AUTS2: variants seen among roughly 807,000 people sequenced by gnomAD.
The protein encoded by AUTS2 is autism susceptibility gene 2 protein.
A neutral mutation model predicts 112.4 loss-of-function variants in AUTS2; 17 were observed. The ratio of observed to expected loss-of-function variants is 0.15; its 90% CI spans 0.10 to 0.23. AUTS2 has a LOEUF of 0.23. Among genes scored for constraint, AUTS2 ranks in the 10% least tolerant of loss-of-function variants. AUTS2 has a pLI of 1.00. For synonymous variants in AUTS2, 751 were observed against 702.7 expected, an observed-to-expected ratio of 1.07 and a Z score of -1.09; for missense variants, 1,510 against 1,701.6, an observed-to-expected ratio of 0.89 and a Z score of 1.98.
intron 4 of AUTS2, among the ~76,000 whole-genome samples, chr7:70,216,643 C>A (rs1811178561): frequency 6.6e-6 from 1 of 152,184 alleles, no homozygotes; most frequent in Admixed American, 6.5e-5. Flanking sequence ...TATAAATACA[C>A]CAGCTTCCTT....
intron 4 of AUTS2, among the ~76,000 whole-genome samples, chr7:70,391,555 G>T (rs935857887): frequency 2.5e-4 from 38 of 152,088 alleles, no homozygotes; most frequent in African/African-American, 9.2e-4. Flanking sequence ...CACAATCACG[G>T]AGTATCTGTT....
chr7:70,006,427 C>T (rs979708659), intron 2 of AUTS2, among the ~76,000 whole-genome samples: 7 of 151,828 alleles, frequency 4.6e-5, no homozygotes, highest in South Asian at 2.1e-4. Context: ...AACAAAGCTA[C>T]GGAAATGTGA....
At chr7:70,549,744 C>T (rs1004423450) in intron 5 of AUTS2, among the ~76,000 whole-genome samples, 8 of 152,152 alleles carry the variant, frequency 5.3e-5, no homozygotes, top group African/African-American at 1.7e-4. Context: ...TCACAGTGCT[C>T]CTCTTAGTGG....
intron 6 of AUTS2, among the ~76,000 whole-genome samples, chr7:70,758,714 C>T (rs1227096983): frequency 6.6e-6 from 1 of 152,144 alleles, no homozygotes; most frequent in East Asian, 1.9e-4. Flanking sequence ...TTCATTCTTT[C>T]CTTTATCCTT....
intron 3 of AUTS2, among the ~76,000 whole-genome samples, chr7:70,124,635 T>G (rs1334721178): frequency 6.6e-6 from 1 of 152,100 alleles, no homozygotes; most frequent in East Asian, 1.9e-4. Flanking sequence ...TGATCTTGGC[T>G]CACTGCAACC....
intron 4 of AUTS2, among the ~76,000 whole-genome samples, chr7:70,385,739 T>C (rs921695549): frequency 1.3e-5 from 2 of 152,032 alleles, no homozygotes; most frequent in African/African-American, 4.8e-5. Flanking sequence ...AAATAGAAAA[T>C]AAAATAAAAT....
chr7:70,524,225 A>T (rs1225573774), intron 5 of AUTS2, among the ~76,000 whole-genome samples: 3 of 152,220 alleles, frequency 2.0e-5, no homozygotes, highest in African/African-American at 4.8e-5. Flanking sequence ...AACCATGCAG[A>T]TGATCCAGTA....
intron 4 of AUTS2, among the ~76,000 whole-genome samples, chr7:70,216,426 A>G (rs1811167956): frequency 6.6e-6 from 1 of 152,304 alleles, no homozygotes; most frequent in African/African-American, 2.4e-5. Context: ...TCAACTTAGC[A>G]GATGCTCCTG....
chr7:69,753,756 A>T (rs1426320978), intron 1 of AUTS2, among the ~76,000 whole-genome samples: 1 of 152,160 alleles, frequency 6.6e-6, no homozygotes. Flanking sequence ...AACTCAAGGA[A>T]GATTTGTATC....
chr7:70,329,042 T>C (rs1377360917), intron 4 of AUTS2, among the ~76,000 whole-genome samples: 11 of 152,202 alleles, frequency 7.2e-5, no homozygotes, highest in Admixed American at 2.6e-4. Flanking sequence ...CTGTGACCTT[T>C]TTTGTCTGGC....
intron 6 of AUTS2, among the ~76,000 whole-genome samples, chr7:70,722,798 T>C (rs1281656183): frequency 6.6e-6 from 1 of 152,182 alleles, no homozygotes; most frequent in Non-Finnish European, 1.5e-5. Flanking sequence ...TAAAGATCTG[T>C]ATTGTGTTCA....
intron 11 of AUTS2, 60 bp downstream of exon 11, chr7:70,771,704 C>T (rs956289995): frequency 3.6e-5 from 53 of 1,491,406 alleles, no homozygotes; most frequent in Admixed American, 2.9e-4. Context: ...CCGGGCCAGG[C>T]GTGCAGGAAG....
intron 2 of AUTS2, among the ~76,000 whole-genome samples, chr7:70,105,321 C>CCAATCATAGCT (rs1804710165): frequency 6.6e-6 from 1 of 152,050 alleles, no homozygotes; most frequent in Non-Finnish European, 1.5e-5. Context: ...AGTGCAGTGG[C>CCAATCATAGCT]CAATCATAGC....
intron 5 of AUTS2, among the ~76,000 whole-genome samples, chr7:70,450,971 T>TC (rs1796507540): frequency 6.6e-6 from 1 of 151,912 alleles, no homozygotes; most frequent in Non-Finnish European, 1.5e-5. Context: ...AAATAGGAGC[T>TC]CAGGGAGGGG....
chr7:70,490,337 G>A (rs928703718), intron 5 of AUTS2, among the ~76,000 whole-genome samples: 3 of 151,952 alleles, frequency 2.0e-5, no homozygotes, highest in African/African-American at 7.3e-5. Context: ...TGAAGAAGAT[G>A]TTATCAGTGC....
At position 69,876,939 on chromosome 7, in the gene AUTS2, A is replaced by G. The variant is rs540328809; in HGVS notation, c.310-22347A>G. 3.9e-5 allele frequency among the ~76,000 whole-genome samples: 6 copies of G among 152,288 alleles called. No homozygotes were observed. The East Asian group carries it at 5.8e-4, about 15-fold the overall frequency. On this transcript the variant is annotated intron_variant, in intron 1 of 18. Transcript: ENST00000342771. ...GAGTGAAGTCTATGGGCCAGATCAC[A>G]TAATAGATGATGTGTTTGTTGGTTG... is the stretch of plus-strand genomic sequence containing the variant.
At chr7:69,956,962 A>G (rs1797237069) in intron 2 of AUTS2, among the ~76,000 whole-genome samples, 1 of 152,042 alleles carries the variant, frequency 6.6e-6, no homozygotes, top group Non-Finnish European at 1.5e-5. Context: ...TCCTGGGCAC[A>G]GGTGATCCTC....
At chr7:70,357,806 C>T (rs1267421522) in intron 4 of AUTS2, among the ~76,000 whole-genome samples, 1 of 152,116 alleles carries the variant, frequency 6.6e-6, no homozygotes, top group Non-Finnish European at 1.5e-5. Context: ...AAAGCCAATT[C>T]TGAGGTTTTG....
At chr7:70,733,608 A>G (rs1220554574) in intron 6 of AUTS2, among the ~76,000 whole-genome samples, 1 of 127,834 alleles carries the variant, frequency 7.8e-6, no homozygotes, top group Admixed American at 9.8e-5. Context: ...TTTTTTTGAG[A>G]CGGAGTCTCA....
Sources: allele counts gnomAD v4.1 joint callset (sites outside exome capture counted in the v4.1 genomes callset), GRCh38; gene constraint gnomAD v4.1.1; transcripts MANE v1.5; gene names NCBI Gene and HGNC (gene_info 2026-07-23, HGNC 2026-07-21).